Variants in ARHGAP18 observed in about 807,000 individuals in gnomAD.
ARHGAP18 encodes rho GTPase-activating protein 18.
A neutral mutation model predicts 86.2 loss-of-function variants in ARHGAP18; 67 were observed. The ratio of observed to expected loss-of-function variants is 0.78; its 90% CI spans 0.64 to 0.95. ARHGAP18 has a LOEUF of 0.95. Ranked by LOEUF, ARHGAP18 falls within the 40% of genes least tolerant of loss-of-function variation. The pLI is 0.00. For synonymous variants in ARHGAP18, 283 were observed against 280.4 expected, an observed-to-expected ratio of 1.01 and a Z score of -0.09; for missense variants, 691 against 780.4, an observed-to-expected ratio of 0.89 and a Z score of 1.37.
At chr6:129,665,185 A>G (rs1404133283) in intron 1 of ARHGAP18, among the ~76,000 whole-genome samples, 2 of 152,204 alleles carry the variant, frequency 1.3e-5, no homozygotes, top group African/African-American at 2.4e-5. Flanking sequence ...ACAGCAAAGT[A>G]GAACAAGGGT....
chr6:129,703,700 C>A (rs923665400), intron 1 of ARHGAP18, among the ~76,000 whole-genome samples: 9 of 152,196 alleles, frequency 5.9e-5, no homozygotes, highest in African/African-American at 1.7e-4. Flanking sequence ...CCGGGTGCAA[C>A]CTCTAATAAT....
intron 8 of ARHGAP18, 60 bp from the exon 9 acceptor site, chr6:129,608,112 T>C: frequency 1.3e-6 from 2 of 1,492,838 alleles, no homozygotes; most frequent in East Asian, 2.3e-5. Flanking sequence ...GCATTTTTTT[T>C]CTTGCTGAGA....
At chr6:129,664,239 T>A (rs1774001456) in intron 1 of ARHGAP18, among the ~76,000 whole-genome samples, 1 of 152,194 alleles carries the variant, frequency 6.6e-6, no homozygotes, top group African/African-American at 2.4e-5. Context: ...AAGACAGCAA[T>A]AAACATAGCA....
intron 10 of ARHGAP18, among the ~76,000 whole-genome samples, chr6:129,601,472 G>A (rs1329405914): frequency 1.4e-5 from 2 of 146,910 alleles, no homozygotes; most frequent in Admixed American, 6.8e-5. Flanking sequence ...CTCAAAAAAG[G>A]AAAAGAGAAG....
At chr6:129,604,372 C>G (rs1405762868) in intron 10 of ARHGAP18, among the ~76,000 whole-genome samples, 1 of 152,078 alleles carries the variant, frequency 6.6e-6, no homozygotes, top group East Asian at 1.9e-4. Flanking sequence ...CCCAAAGCAG[C>G]CATATTGAAT....
chr6:129,642,590 C>T (rs1773492074), intron 1 of ARHGAP18, among the ~76,000 whole-genome samples: 1 of 152,018 alleles, frequency 6.6e-6, no homozygotes, highest in Admixed American at 6.6e-5. Flanking sequence ...GCCACCACAC[C>T]CAGGCATAAG....
intron 7 of ARHGAP18, among the ~76,000 whole-genome samples, chr6:129,615,693 T>G (rs964287710): frequency 1.3e-5 from 2 of 152,188 alleles, no homozygotes; most frequent in African/African-American, 4.8e-5. Flanking sequence ...GGACGGAAAT[T>G]TTTATATTGC....
chr6:129,598,269 T>C (rs1448071715), intron 12 of ARHGAP18, among the ~76,000 whole-genome samples: 3 of 152,230 alleles, frequency 2.0e-5, no homozygotes, highest in Non-Finnish European at 4.4e-5. Flanking sequence ...TAAAACTTGA[T>C]TTAAAATGTT....
chr6:129,647,094 C>G (rs1225877521), intron 1 of ARHGAP18, among the ~76,000 whole-genome samples: 1 of 151,974 alleles, frequency 6.6e-6, no homozygotes, highest in Non-Finnish European at 1.5e-5. Context: ...TCCAATATAT[C>G]CATATTTAAT....
At chr6:129,650,222 C>A (rs1773680941) in intron 1 of ARHGAP18, among the ~76,000 whole-genome samples, 1 of 151,974 alleles carries the variant, frequency 6.6e-6, no homozygotes, top group Non-Finnish European at 1.5e-5. Flanking sequence ...CTGCACCTTG[C>A]CTCACTCTAC....
chr6:129,688,210 C>T (rs1176737585), intron 1 of ARHGAP18, among the ~76,000 whole-genome samples: 1 of 152,226 alleles, frequency 6.6e-6, no homozygotes. Flanking sequence ...AAACTTCTCT[C>T]TCTTCAGAAT....
chr6:129,641,428 G>A (rs1773462185), intron 2 of ARHGAP18, among the ~76,000 whole-genome samples: 1 of 152,166 alleles, frequency 6.6e-6, no homozygotes, highest in African/African-American at 2.4e-5. Flanking sequence ...CTGACCACTG[G>A]AAAAACAGTC....
At chr6:129,607,521 C>T (rs1788878573) in intron 9 of ARHGAP18, among the ~76,000 whole-genome samples, 1 of 152,202 alleles carries the variant, frequency 6.6e-6, no homozygotes, top group Admixed American at 6.5e-5. Flanking sequence ...TGTTCATCCA[C>T]AGCTTCTCCA....
chr6:129,599,382 G>C (rs756523513), intron 11 of ARHGAP18, 26 bp from the exon 12 acceptor site: 3 of 1,433,180 alleles, frequency 2.1e-6, no homozygotes, highest in South Asian at 3.3e-5. Context: ...ATTAAGCTTA[G>C]AGAGGAAAAA....
chr6:129,697,159 T>A (rs756111686), intron 1 of ARHGAP18, among the ~76,000 whole-genome samples: 2 of 152,060 alleles, frequency 1.3e-5, no homozygotes, highest in Non-Finnish European at 2.9e-5. Flanking sequence ...GCCCAAGCCA[T>A]CCAGAAAATG....
chr6:129,629,547 C>G (rs1482743991), intron 4 of ARHGAP18, 25 bp from the exon 5 acceptor site: 3 of 1,582,836 alleles, frequency 1.9e-6, no homozygotes, highest in Non-Finnish European at 2.6e-6. Context: ...GGAAAGAACC[C>G]AATTCATATG....
rs183760724 is a variant in ARHGAP18 at position 129,602,919 on chromosome 6, G to A, written c.1366-2071C>T. ...GAGAGAGAGTTGACATAAAATTAAC[G>A]AGATGTTAGCCCAGCCCTTGCTGAA... On this transcript the variant is annotated intron_variant, in intron 10 of 14. Transcript: ENST00000368149. 5.0e-3 allele frequency among the ~76,000 whole-genome samples: 763 copies of A among 151,814 alleles called. 11 individuals carry two copies. Among genetic ancestry groups the A allele is most frequent in the Middle Eastern group, 0.01 (3 of 294 alleles).
intron 10 of ARHGAP18, 124 bp from the exon 11 acceptor site, chr6:129,600,972 C>T (rs1158816519): frequency 3.9e-6 from 3 of 768,290 alleles, no homozygotes; most frequent in South Asian, 3.8e-5. Flanking sequence ...GTCAACTAAT[C>T]ACATCCAGCA....
chr6:129,624,988 AT>A (rs1267418471), intron 5 of ARHGAP18, among the ~76,000 whole-genome samples: 4 of 111,502 alleles, frequency 3.6e-5, no homozygotes, highest in Admixed American at 1.2e-4. Flanking sequence ...TATAATATAT[AT>A]TATATATGAT....
Sources: gnomAD v4.1 joint callset for allele counts (sites outside exome capture counted in the v4.1 genomes callset) on GRCh38, gnomAD v4.1.1 for gene constraint, MANE v1.5 for transcripts, NCBI Gene and HGNC (gene_info 2026-07-23, HGNC 2026-07-21) for gene names.